CCDC169: variants seen among roughly 807,000 people sequenced by gnomAD.
CCDC169 encodes the protein coiled-coil domain-containing protein 169.
Under a neutral mutation model 36.0 loss-of-function variants are expected in CCDC169, and 30 were observed. That is an observed-to-expected ratio of 0.83 (90% CI 0.62 to 1.13). The LOEUF is 1.13. Among genes scored for constraint, CCDC169 ranks in the 50% most tolerant of loss-of-function variants. The probability of loss-of-function intolerance (pLI) is 0.00; values close to 1 mark genes in which losing one functional copy is unlikely to be tolerated. For missense variants in CCDC169, 245 were observed against 245.9 expected (o/e 1.00, Z 0.03); for synonymous variants, 85 against 81.5 (o/e 1.04, Z -0.23).
chr13:36,268,717 A>T (rs1443587490), intron 4 of CCDC169, among the ~76,000 whole-genome samples: 2 of 152,218 alleles, frequency 1.3e-5, no homozygotes, highest in Non-Finnish European at 2.9e-5. Context: ...ATAGAACATT[A>T]GTTAGATTAA....
At chr13:36,253,039 A>G (rs914651501) in intron 6 of CCDC169, among the ~76,000 whole-genome samples, 2 of 152,194 alleles carry the variant, frequency 1.3e-5, no homozygotes, top group African/African-American at 4.8e-5. Flanking sequence ...AATACCAACG[A>G]TATCATAAAT....
chr13:36,227,362 A>G (rs1418752023), downstream of CCDC169: 43 of 1,548,138 alleles, frequency 2.8e-5, no homozygotes, highest in East Asian at 4.9e-5. Context: ...AAAGGGTCCA[A>G]TTCTTCTTTT....
intron 4 of CCDC169, chr13:36,283,153 G>A (rs9547075): frequency 0.25 from 70,258 of 283,598 alleles, 9,486 homozygotes; most frequent in East Asian, 0.45. Context: ...GCGTGCAAAA[G>A]GACTTATTTC....
chr13:36,281,062 C>T (rs1594076931), intron 4 of CCDC169: 2 of 325,438 alleles, frequency 6.1e-6, no homozygotes, highest in East Asian at 1.8e-4. Flanking sequence ...CCGGCTTTCA[C>T]CTTTACCATT....
In CCDC169 at chr13:36,293,046, GAA is replaced by G. The variant is rs1050553250; in HGVS notation, c.163+2730_163+2731del. On this transcript the variant is annotated intron_variant, in intron 2 of 7. Coordinates refer to ENST00000239859, the MANE Select transcript of CCDC169 (RefSeq NM_001144981.3). ...GATTGCTTCTCTTTTTTCTTTGAAA[GAA>G]GAGGGTAAGCTCATTACCTGAGAGT... Among the ~76,000 whole-genome samples the G allele has an allele frequency of 3.9e-4, 59 of 152,294 alleles. 1 individual carries two copies. In the Middle Eastern group the frequency reaches 0.014, roughly 35 times the overall value.
intron 4 of CCDC169, among the ~76,000 whole-genome samples, chr13:36,273,911 C>G (rs549807933): frequency 3.9e-5 from 6 of 152,272 alleles, no homozygotes; most frequent in African/African-American, 1.4e-4. Flanking sequence ...GACTTTGTCT[C>G]CCAGCTCTGT....
In CCDC169 at chr13:36,230,967, G is replaced by T; in HGVS notation, c.*226C>A. Reference sequence around the variant, plus strand: ...TGATGCCAGCCTTCAGATTCCCTAGGATATTTTAAAACTCTCAAGCACTTC... The same window carrying T: ...TGATGCCAGCCTTCAGATTCCCTAGTATATTTTAAAACTCTCAAGCACTTC... On this transcript the variant is annotated 3_prime_UTR_variant, in exon 8 of 8. Coordinates refer to ENST00000239859, the MANE Select transcript of CCDC169 (RefSeq NM_001144981.3). 7.9e-7 allele frequency: 1 copy of T among 1,261,198 alleles called. No homozygotes were observed. Among genetic ancestry groups the T allele is most frequent in the Non-Finnish European group, 1.0e-6 (1 of 1,002,534 alleles). The allele number at this position is 1,261,198 out of a possible 1,614,324, so 78.1% of individuals were successfully genotyped here.
At position 36,230,920 on chromosome 13, in the gene CCDC169, A is replaced by C; in HGVS notation, c.*273T>G. ...GTTACTATCAGAGCAGATCATGGGT[A>C]TATTATTGAAAGCAAGTGTAATGAT... On this transcript the variant is annotated 3_prime_UTR_variant, in exon 8 of 8. Coordinates refer to ENST00000239859, the MANE Select transcript of CCDC169 (RefSeq NM_001144981.3). 8.8e-7 allele frequency: 1 copy of C among 1,137,646 alleles called. No individual in the cohort carries two copies. The highest frequency in any genetic ancestry group is 1.1e-6 in the Non-Finnish European group (1 of 927,154). The allele number at this position is 1,137,646 out of a possible 1,614,324, so 70.5% of individuals were successfully genotyped here.
At chr13:36,285,634 G>C (rs751443785) in intron 2 of CCDC169, among the ~76,000 whole-genome samples, 1 of 127,512 alleles carries the variant, frequency 7.8e-6, no homozygotes, top group African/African-American at 2.8e-5. Flanking sequence ...TAGATACATA[G>C]ATACATAGAT....
intron 2 of CCDC169, among the ~76,000 whole-genome samples, chr13:36,291,267 CAT>C (rs780192456): frequency 8.5e-5 from 13 of 152,096 alleles, no homozygotes; most frequent in Non-Finnish European, 1.5e-4. Flanking sequence ...GCTCAGCAAA[CAT>C]GTGTTAATGC....
chr13:36,269,184 AGTT>A, intron 4 of CCDC169, among the ~76,000 whole-genome samples: 1 of 152,316 alleles, frequency 6.6e-6, no homozygotes, highest in East Asian at 1.9e-4. Flanking sequence ...GAAATGGATA[AGTT>A]CTTGGAAACA....
chr13:36,234,064 C>G (rs968745494), intron 7 of CCDC169, among the ~76,000 whole-genome samples: 3 of 152,138 alleles, frequency 2.0e-5, no homozygotes, highest in African/African-American at 7.2e-5. Flanking sequence ...AAAAGTCCAC[C>G]TTTGTTCGCC....
chr13:36,230,051 T>A (rs1328629), downstream of CCDC169, among the ~76,000 whole-genome samples: 61,671 of 152,032 alleles, frequency 0.41, 13,288 homozygotes, highest in Non-Finnish European at 0.48. Context: ...ATTTTAAAGT[T>A]ACTTAAAATA....
chr13:36,251,621 A>G (rs866373452), intron 6 of CCDC169, among the ~76,000 whole-genome samples: 6 of 152,164 alleles, frequency 3.9e-5, no homozygotes, highest in Non-Finnish European at 8.8e-5. Context: ...TATGATTATG[A>G]GCATACATTT....
At chr13:36,259,127 T>C (rs1169193287) in intron 4 of CCDC169, among the ~76,000 whole-genome samples, 3 of 152,232 alleles carry the variant, frequency 2.0e-5, no homozygotes, top group East Asian at 3.9e-4. Flanking sequence ...CCACAGTCTA[T>C]GTAGGCAGCA....
At chr13:36,275,597 G>A (rs1876699261) in intron 4 of CCDC169, among the ~76,000 whole-genome samples, 1 of 152,096 alleles carries the variant, frequency 6.6e-6, no homozygotes, top group South Asian at 2.1e-4. Context: ...TGTCAATAGT[G>A]CTCTAGTGTC....
intron 2 of CCDC169, among the ~76,000 whole-genome samples, chr13:36,286,172 T>C (rs541380722): frequency 1.3e-5 from 2 of 152,254 alleles, no homozygotes; most frequent in South Asian, 2.1e-4. Flanking sequence ...GCTAGGATAT[T>C]AGGGAATTTC....
intron 4 of CCDC169, among the ~76,000 whole-genome samples, chr13:36,258,372 G>A (rs1429774909): frequency 1.3e-5 from 2 of 152,106 alleles, no homozygotes; most frequent in Non-Finnish European, 2.9e-5. Context: ...GACCCACTGG[G>A]CTGCATTCCC....
At chr13:36,287,946 G>A (rs2138632019) in intron 2 of CCDC169, among the ~76,000 whole-genome samples, 1 of 152,194 alleles carries the variant, frequency 6.6e-6, no homozygotes, top group Non-Finnish European at 1.5e-5. Context: ...TTCTTAATTA[G>A]GTGCTCACCA....
Sources: allele counts gnomAD v4.1 joint callset (sites outside exome capture counted in the v4.1 genomes callset), GRCh38; gene constraint gnomAD v4.1.1; transcripts MANE v1.5; gene names NCBI Gene and HGNC (gene_info 2026-07-23, HGNC 2026-07-21).